NAA25: variants seen among roughly 807,000 people sequenced by gnomAD.
NAA25 encodes N-alpha-acetyltransferase 25, NatB auxiliary subunit.
NAA25 carries 30 observed loss-of-function variants against 132.5 expected under a neutral mutation model. The observed-to-expected ratio is 0.23, with a 90% CI of 0.17 to 0.31. NAA25 has a LOEUF of 0.31. NAA25 is among the 10% of genes least tolerant of loss of function. The pLI is 1.00. For synonymous variants in NAA25, 359 were observed against 401.9 expected, an observed-to-expected ratio of 0.89 and a Z score of 1.28; for missense variants, 771 against 1,150.4, an observed-to-expected ratio of 0.67 and a Z score of 4.77.
intron 22 of NAA25, among the ~76,000 whole-genome samples, chr12:112,036,601 C>A (rs940324246): frequency 2.6e-5 from 4 of 152,062 alleles, no homozygotes; most frequent in Admixed American, 2.0e-4. Context: ...GTAATCCCAG[C>A]ACTTTGAGAG....
In NAA25 at chr12:112,075,607, C is replaced by A. The variant is rs1477792043; in HGVS notation, c.776+71G>T. ...GCCCAGAAACTTCAAAACACAGACA[C>A]CAAGAAAATCAATAGTGAGGTCTTA... On this transcript the variant is annotated intron_variant, in intron 8 of 23. Coordinates refer to ENST00000261745, the MANE Select transcript of NAA25 (RefSeq NM_024953.4). 4.8e-6 allele frequency: 6 copies of A among 1,257,212 alleles called. No homozygotes were observed. The East Asian group carries it at 1.4e-4, about 29-fold the overall frequency. 77.9% of individuals were successfully genotyped at this position (1,257,212 alleles called of 1,614,324 possible). A position where few individuals can be genotyped will look rare whatever the true frequency, so the allele number is the denominator to read the frequency against.
chr12:112,055,774 A>G (rs1348956829), intron 13 of NAA25, among the ~76,000 whole-genome samples: 3 of 152,220 alleles, frequency 2.0e-5, no homozygotes, highest in Non-Finnish European at 4.4e-5. Flanking sequence ...TGAGGTCCAA[A>G]AAAGTGAGAT....
At chr12:112,097,762 T>G (rs920444061) in intron 1 of NAA25, among the ~76,000 whole-genome samples, 3 of 152,050 alleles carry the variant, frequency 2.0e-5, no homozygotes, top group Non-Finnish European at 1.5e-5. Context: ...CACAGCTTGG[T>G]GTGGCTACAA....
intron 8 of NAA25, among the ~76,000 whole-genome samples, chr12:112,075,148 C>A (rs1205512543): frequency 6.6e-6 from 1 of 150,990 alleles, no homozygotes; most frequent in East Asian, 1.9e-4. Flanking sequence ...AGTGTTCATT[C>A]TTAAGCCCTA....
chr12:112,051,833 A>G (rs1020146497), intron 15 of NAA25, among the ~76,000 whole-genome samples: 1 of 152,208 alleles, frequency 6.6e-6, no homozygotes, highest in Non-Finnish European at 1.5e-5. Context: ...TTTTCTTTCA[A>G]AACAACTCTT....
chr12:112,107,909 G>A (rs1005253144), intron 1 of NAA25, among the ~76,000 whole-genome samples: 4 of 152,192 alleles, frequency 2.6e-5, no homozygotes, highest in Admixed American at 6.5e-5. Context: ...GTAAATGGAT[G>A]AGATGACATC....
intron 20 of NAA25, among the ~76,000 whole-genome samples, chr12:112,041,082 G>C (rs2078294724): frequency 6.6e-6 from 1 of 151,942 alleles, no homozygotes; most frequent in Non-Finnish European, 1.5e-5. Context: ...TCAGGAGGCT[G>C]AGGTAGAAGG....
intron 1 of NAA25, among the ~76,000 whole-genome samples, chr12:112,096,194 T>TAACAAAAGCAA (rs2079211224): frequency 6.6e-6 from 1 of 152,326 alleles, no homozygotes; most frequent in East Asian, 1.9e-4. Context: ...GATTCATTTC[T>TAACAAAAGCAA]AGAGAAGAAA....
At chr12:112,051,500 T>C (rs1193827958) in intron 15 of NAA25, among the ~76,000 whole-genome samples, 1 of 152,192 alleles carries the variant, frequency 6.6e-6, no homozygotes, top group African/African-American at 2.4e-5. Context: ...TGAGCCACTG[T>C]GCCCAGCCTG....
chr12:112,035,746 C>G (rs755877889), intron 22 of NAA25, among the ~76,000 whole-genome samples: 2 of 151,032 alleles, frequency 1.3e-5, no homozygotes, highest in Non-Finnish European at 2.9e-5. Flanking sequence ...GGTGCGATCA[C>G]AGCTCACGGC....
At chr12:112,069,955 C>T (rs1247580227) in intron 10 of NAA25, among the ~76,000 whole-genome samples, 1 of 151,386 alleles carries the variant, frequency 6.6e-6, no homozygotes, top group Non-Finnish European at 1.5e-5. Flanking sequence ...TGGCAAAACC[C>T]CATCTCTACT....
At chr12:112,084,267 C>T (rs922020621) in intron 4 of NAA25, among the ~76,000 whole-genome samples, 3 of 152,286 alleles carry the variant, frequency 2.0e-5, no homozygotes, top group East Asian at 1.9e-4. Context: ...CCTACCTCCA[C>T]GAGTTTATAC....
chr12:112,033,695 A>C (rs1234414283), intron 22 of NAA25: 1 of 176,592 alleles, frequency 5.7e-6, no homozygotes, highest in East Asian at 1.4e-4. Context: ...CATCACACAA[A>C]GCTAAAAACC....
chr12:112,093,160 C>T (rs771618031), intron 1 of NAA25, 24 bp from the exon 2 acceptor site: 3 of 1,337,340 alleles, frequency 2.2e-6, no homozygotes, highest in South Asian at 1.2e-5. Flanking sequence ...AATTATGTGA[C>T]AGTTATTATA....
intron 3 of NAA25, among the ~76,000 whole-genome samples, chr12:112,088,714 G>A (rs1031008464): frequency 1.2e-4 from 18 of 150,304 alleles, no homozygotes; most frequent in African/African-American, 4.2e-4. Flanking sequence ...TCTGCCTCCT[G>A]GGTTCGAGTG....
Position 112,054,419 on chromosome 12 carries a change from C to G in NAA25, c.1597G>C (p.Asp533His). 6.2e-7 allele frequency: 1 copy of G among 1,614,070 alleles called. No individual in the cohort carries two copies. ...EPVVDLYSSL[D>H]AKHIQHDTIG... ...GTATCATGCTGGATATGCTTAGCAT[C>G]GAGGCTGGAGTAAAGATCCACCACT... The change falls in exon 14 of 24, where the codon GAT becomes CAT. Residue 533 changes from aspartate (D) to histidine (H), a missense_variant. Physicochemically the swap from Asp to His is moderately conservative, Grantham distance 81. Transcript: ENST00000261745.
intron 9 of NAA25, among the ~76,000 whole-genome samples, 165 bp from the exon 10 acceptor site, chr12:112,072,229 T>G (rs919415105): frequency 6.6e-6 from 1 of 152,072 alleles, no homozygotes; most frequent in Admixed American, 6.6e-5. Flanking sequence ...AGATAACATG[T>G]TATAAGATTA....
At chr12:112,089,953 TC>T (rs1311935311) in intron 3 of NAA25, among the ~76,000 whole-genome samples, 2 of 148,412 alleles carry the variant, frequency 1.3e-5, no homozygotes, top group Non-Finnish European at 3.0e-5. Flanking sequence ...TGCCTCAGCT[TC>T]CCAAGTAGCT....
At chr12:112,105,471 T>C (rs547189538) in intron 1 of NAA25, among the ~76,000 whole-genome samples, 123 of 152,078 alleles carry the variant, frequency 8.1e-4, no homozygotes, top group Non-Finnish European at 1.6e-3. Context: ...AAACGAAAAA[T>C]GCAATACCCA....
Sources: allele counts gnomAD v4.1 joint callset (sites outside exome capture counted in the v4.1 genomes callset), GRCh38; gene constraint gnomAD v4.1.1; transcripts MANE v1.5; gene names NCBI Gene and HGNC (gene_info 2026-07-23, HGNC 2026-07-21).